Variants in TRPM4 observed in about 807,000 individuals in gnomAD.
TRPM4 encodes transient receptor potential cation channel subfamily M member 4, also known as calcium-activated non-selective cation channel 1.
Under a neutral mutation model 135.6 loss-of-function variants are expected in TRPM4, and 124 were observed. That is an observed-to-expected ratio of 0.91 (90% CI 0.79 to 1.06). TRPM4 has a LOEUF of 1.06. Among genes scored for constraint, TRPM4 ranks in the 50% least tolerant of loss-of-function variants. The pLI, the probability that TRPM4 is intolerant of heterozygous loss-of-function variation, is 0.00. For missense variants in TRPM4, 1,658 were observed against 1,671.4 expected (o/e 0.99, Z 0.14); for synonymous variants, 745 against 705.6 (o/e 1.06, Z -0.88).
chr19:49,190,261 G>C lies in TRPM4; in HGVS notation c.2073G>C (p.Trp691Cys), dbSNP rs751877963. The C allele has an allele frequency of 6.2e-7, 1 of 1,614,160 alleles. No homozygotes were observed. Among genetic ancestry groups the C allele is most frequent in the Non-Finnish European group, 8.5e-7 (1 of 1,180,034 alleles). Residue 691 changes from tryptophan to cysteine, a missense_variant, in exon 15 of 25, where the codon TGG becomes TGC. Trp to Cys is a radical substitution (Grantham distance 215). This residue lies in a region of TRPM4 where 1,412 missense variants were observed against 1,408.7 expected (regional missense o/e 1.00). Coordinates refer to ENST00000252826, the MANE Select transcript of TRPM4 (RefSeq NM_017636.4). ...ATATGGCCAGCACTACACCCATCTG[G>C]GCCCTGGTTCTCGCCTTCTTTTGCC... ...WGDMASTTPIWALVLAFFCPP... is the reference protein window; with the variant it reads ...WGDMASTTPICALVLAFFCPP...
Position 49,181,326 on chromosome 19 carries a change from C to T in TRPM4, c.1151-23C>T, listed in dbSNP as rs201990957. 2,161 of 1,573,346 alleles carry T rather than the reference C, an allele frequency of 1.4e-3. 4 individuals carry two copies. Among genetic ancestry groups the T allele is most frequent in the Non-Finnish European group, 1.8e-3 (2,070 of 1,143,184 alleles). ...GTCCCTCCTCCCCTGACTTCTTGTC[C>T]CCTCTCCCTCTAATCCTTCCAGCCT... On this transcript the variant is annotated intron_variant, in intron 9 of 24. Transcript: ENST00000252826.
rs778615646 is a variant in TRPM4 at position 49,200,836 on chromosome 19, C to T, written c.2953+51C>T. 16 of 1,590,756 alleles carry T rather than the reference C, an allele frequency of 1.0e-5. No individual in the cohort carries two copies. In the South Asian group the frequency reaches 1.8e-4, roughly 18 times the overall value. On this transcript the variant is annotated intron_variant, in intron 19 of 24. Transcript: ENST00000252826. ...CTTCCTCTGAGTCTCTGTCCCCGCT[C>T]CCTGGGTCTCTGTCCTCCTGGCTCT...
chr19:49,172,082 C>G lies in TRPM4; in HGVS notation c.1124C>G (p.Thr375Ser). 2 of 1,613,882 alleles carry G rather than the reference C, an allele frequency of 1.2e-6. No homozygotes were observed. Among genetic ancestry groups the G allele is most frequent in the Admixed American group, 3.3e-5 (2 of 60,004 alleles). Residue 375 changes from threonine to serine, a missense_variant, in exon 9 of 25, where the codon ACC (threonine) becomes AGC (serine). Physicochemically the swap from Thr to Ser is moderately conservative, Grantham distance 58. Coordinates refer to ENST00000252826, the MANE Select transcript of TRPM4 (RefSeq NM_017636.4). ...SSEDGSEEFE[T>S]IVLKALVKAC... ...GAGGATGGGTCTGAGGAATTCGAGA[C>G]CATAGTTTTGAAGGCCCTTGTGAAG...
In TRPM4 at chr19:49,211,583, C is replaced by G; in HGVS notation, c.*85C>G. On this transcript the variant is annotated 3_prime_UTR_variant, in exon 25 of 25. Coordinates refer to ENST00000252826, the MANE Select transcript of TRPM4 (RefSeq NM_017636.4). This position sits in a 1 kb window ranked among gnomAD's most constrained non-coding sequence, Gnocchi z 4.8. ...CTCATCTGGGCCTCGGCCCCCGCACCTGGTGGCCTTGTCCTTGAGGTGAGC... is the reference window on the plus strand; with the variant it reads ...CTCATCTGGGCCTCGGCCCCCGCACGTGGTGGCCTTGTCCTTGAGGTGAGC... 1.3e-6 allele frequency: 2 copies of G among 1,561,076 alleles called. No homozygotes were observed. The highest frequency in any genetic ancestry group is 2.2e-5 in the East Asian group (1 of 44,626).
intron 12 of TRPM4, among the ~76,000 whole-genome samples, chr19:49,185,478 C>A (rs1449027199): frequency 6.6e-6 from 1 of 152,114 alleles, no homozygotes; most frequent in Non-Finnish European, 1.5e-5. Context: ...TGGGCTCAAG[C>A]AATCCTCCTG....
At chr19:49,206,962 G>T (rs569032172) in intron 20 of TRPM4, among the ~76,000 whole-genome samples, 2 of 152,184 alleles carry the variant, frequency 1.3e-5, no homozygotes, top group East Asian at 3.9e-4. Context: ...ATTGTTCATT[G>T]CGGGTGTGTA....
rs146679897 is a variant in TRPM4 at position 49,182,537 on chromosome 19, C to T, written c.1264-41C>T. 3.8e-4 allele frequency: 599 copies of T among 1,568,588 alleles called. 5 individuals carry two copies. The Middle Eastern group carries it at 4.2e-3, about 11-fold the overall frequency. On this transcript the variant is annotated intron_variant, in intron 10 of 24. Transcript: ENST00000252826. ...CCCTTGCCCATCTCTTGTCCTTAAC[C>T]TTTGAGCTAATCTCTTCCCCTATTC...
rs1170318718 is a variant in TRPM4, at chr19:49,200,288, C to T, written c.2646-12C>T. On this transcript the variant is annotated splice_polypyrimidine_tract_variant and intron_variant, in intron 17 of 24. Coordinates refer to ENST00000252826, the MANE Select transcript of TRPM4 (RefSeq NM_017636.4). ...TGACACTTGACCCTTGTGGCATCTC[C>T]CCACACCCCAGGCTGACCCCGGGTT... 2 of 1,613,952 alleles carry T rather than the reference C, an allele frequency of 1.2e-6. No individual in the cohort carries two copies. Among genetic ancestry groups the T allele is most frequent in the East Asian group, 2.2e-5 (1 of 44,882 alleles).
intron 9 of TRPM4, among the ~76,000 whole-genome samples, chr19:49,179,413 T>C (rs1416940015): frequency 6.6e-6 from 1 of 151,674 alleles, no homozygotes; most frequent in East Asian, 1.9e-4. Flanking sequence ...TGCAGTGACG[T>C]GATCTCGGCT....
intron 18 of TRPM4, 28 bp from the exon 19 acceptor site, chr19:49,200,583 G>A (rs1416743673): frequency 6.2e-7 from 1 of 1,608,968 alleles, no homozygotes; most frequent in Non-Finnish European, 8.5e-7. Context: ...GAAAGGGCGG[G>A]GCCAGACTCA....
At chr19:49,194,592 T>A (rs1178444812) in intron 16 of TRPM4, among the ~76,000 whole-genome samples, 1 of 151,392 alleles carries the variant, frequency 6.6e-6, no homozygotes, top group African/African-American at 2.4e-5. Context: ...CCTTCCTTCC[T>A]TTCCTTTCCT....
At chr19:49,188,504 C>T in intron 12 of TRPM4, 137 bp from the exon 13 acceptor site, 1 of 1,283,446 alleles carries the variant, frequency 7.8e-7, no homozygotes, top group Non-Finnish European at 1.1e-6. Context: ...GATCCATCTC[C>T]AAACATTACT....
chr19:49,188,707 C>T lies in TRPM4; in HGVS notation c.1810C>T (p.Pro604Ser), dbSNP rs1256358054. Reference sequence around the variant, plus strand: ...GCTCCGGGTGATGGCACGCCTGGAGCCTGACGCTGAGGAGGCAGCACGGAG... The same window carrying T: ...GCTCCGGGTGATGGCACGCCTGGAGTCTGACGCTGAGGAGGCAGCACGGAG... ...LLLRVMARLE[P>S]DAEEAARRKD... is the part of the protein sequence containing the mutation. The change falls in exon 13 of 25, where the codon CCT becomes TCT. Residue 604 changes from proline (P) to serine (S), a missense_variant. Around this residue, in one of 3 missense-constraint regions of TRPM4, gnomAD observed 1,412 missense variants for 1,408.7 expected, o/e 1.00. Transcript: ENST00000252826. 1 of 1,614,058 alleles carries T rather than the reference C, an allele frequency of 6.2e-7. No homozygotes were observed. The highest frequency in any genetic ancestry group is 8.5e-7 in the Non-Finnish European group (1 of 1,180,044).
In TRPM4 at chr19:49,210,521, G is replaced by A; in HGVS notation, c.3328+116G>A. The A allele has an allele frequency of 1.4e-6, 2 of 1,447,302 alleles. No individual in the cohort carries two copies. The highest frequency in any genetic ancestry group is 1.9e-6 in the Non-Finnish European group (2 of 1,054,946). 89.7% of individuals were successfully genotyped at this position (1,447,302 alleles called of 1,614,324 possible). On this transcript the variant is annotated intron_variant, in intron 21 of 24. Transcript: ENST00000252826. The surrounding 1 kb of genome is among the most constrained non-coding windows in gnomAD (Gnocchi z 4.1). The stretch of plus-strand genomic sequence containing the variant: ...GGGCGTGGCTTAGGTAGCGAGGGGC[G>A]GGGTTTAAGCAACAAGGGGCGGAGC...
chr19:49,182,171 T>TTTAC (rs1967973308), intron 10 of TRPM4, among the ~76,000 whole-genome samples: 2 of 149,158 alleles, frequency 1.3e-5, no homozygotes, highest in Non-Finnish European at 3.0e-5. Context: ...CATCCATCCA[T>TTTAC]CTACCTATCC....
At chr19:49,207,530 TGAGGTGGGAGGAA>T in intron 20 of TRPM4, among the ~76,000 whole-genome samples, 1 of 133,386 alleles carries the variant, frequency 7.5e-6, no homozygotes, top group African/African-American at 3.7e-5. Context: ...CTCAAGAGGC[TGAGGTGGGAGGAA>T]GGCTTGAGCC....
intron 9 of TRPM4, among the ~76,000 whole-genome samples, chr19:49,180,897 T>A (rs370710782): frequency 1.4e-4 from 21 of 151,942 alleles, no homozygotes; most frequent in Admixed American, 6.6e-4. Flanking sequence ...ATCCATCCCA[T>A]CCATCCATCC....
At chr19:49,198,109 G>A (rs1291487604) in intron 17 of TRPM4, among the ~76,000 whole-genome samples, 1 of 152,094 alleles carries the variant, frequency 6.6e-6, no homozygotes, top group African/African-American at 2.4e-5. Context: ...CTTCCTCTAA[G>A]CTATGTTAGC....
At chr19:49,164,962 C>G (rs933991082) in intron 2 of TRPM4, among the ~76,000 whole-genome samples, 1 of 151,638 alleles carries the variant, frequency 6.6e-6, no homozygotes, top group African/African-American at 2.4e-5. Context: ...CAGCTGGTCT[C>G]GAACTCCTGG....
Sources: gnomAD v4.1 joint callset for allele counts (sites outside exome capture counted in the v4.1 genomes callset) on GRCh38, gnomAD v4.1.1 for gene constraint, gnomAD v4.1.1 regional missense constraint, Gnocchi (gnomAD v3.1) non-coding constraint, MANE v1.5 for transcripts, NCBI Gene and HGNC (gene_info 2026-07-23, HGNC 2026-07-21) for gene names.